Variants in RXRA observed in about 807,000 individuals in gnomAD.
RXRA encodes retinoic acid receptor RXR-alpha.
Under a neutral mutation model 44.5 loss-of-function variants are expected in RXRA, and 5 were observed. The observed-to-expected ratio is 0.11, with a 90% CI of 0.06 to 0.24. RXRA has a LOEUF of 0.24. RXRA is among the 10% of genes least tolerant of loss of function. The probability of loss-of-function intolerance (pLI) is 1.00; values close to 1 mark genes in which losing one functional copy is unlikely to be tolerated. For synonymous variants in RXRA, 291 were observed against 271.4 expected, an observed-to-expected ratio of 1.07 and a Z score of -0.71; for missense variants, 412 against 646.5, an observed-to-expected ratio of 0.64 and a Z score of 3.93.
chr9:134,421,214 T>G (rs1831324618), intron 5 of RXRA, among the ~76,000 whole-genome samples: 1 of 152,228 alleles, frequency 6.6e-6, no homozygotes, highest in South Asian at 2.1e-4. Flanking sequence ...AAAGCAGTCT[T>G]GCCGGGCTGA....
intron 1 of RXRA, among the ~76,000 whole-genome samples, chr9:134,378,660 C>G (rs1023729939): frequency 5.9e-5 from 9 of 152,188 alleles, no homozygotes; most frequent in Admixed American, 5.9e-4. Context: ...GCTGGGTCGG[C>G]CGCTCAGAGT....
At chr9:134,406,710 C>G (rs572320176) in intron 2 of RXRA, among the ~76,000 whole-genome samples, 24 of 152,344 alleles carry the variant, frequency 1.6e-4, no homozygotes, top group African/African-American at 5.1e-4. Flanking sequence ...GCTTCACTTT[C>G]GCCTTCTGCA....
At chr9:134,388,488 T>G (rs937966734) in intron 1 of RXRA, among the ~76,000 whole-genome samples, 1 of 152,170 alleles carries the variant, frequency 6.6e-6, no homozygotes, top group Non-Finnish European at 1.5e-5. Flanking sequence ...GACTTTGATT[T>G]GTGCACCTTT....
At chr9:134,396,948 G>T (rs916549753) in intron 1 of RXRA, among the ~76,000 whole-genome samples, 5 of 152,354 alleles carry the variant, frequency 3.3e-5, no homozygotes, top group Admixed American at 6.5e-5. Context: ...CTGCCCAGGA[G>T]GGGGCTGGAG....
intron 7 of RXRA, 149 bp downstream of exon 7, chr9:134,429,389 A>G: frequency 1.1e-6 from 1 of 893,588 alleles, no homozygotes; most frequent in South Asian, 1.8e-5. Context: ...GAAAAGCATG[A>G]GGAGGAGGCT....
At position 134,417,434 on chromosome 9, in the gene RXRA, TGCCCTGGGCCCTGTG is replaced by T; in HGVS notation, c.780+110_780+124del. 7.5e-7 allele frequency: 1 copy of T among 1,324,944 alleles called. No individual in the cohort carries two copies. The highest frequency in any genetic ancestry group is 1.0e-6 in the Non-Finnish European group (1 of 969,818). 82.1% of individuals were successfully genotyped at this position (1,324,944 alleles called of 1,614,324 possible). A position where few individuals can be genotyped will look rare whatever the true frequency, so the allele number is the denominator to read the frequency against. On this transcript the variant is annotated intron_variant, in intron 5 of 9. Transcript: ENST00000481739. The surrounding 1 kb of genome is among the most constrained non-coding windows in gnomAD (Gnocchi z 6.1). ...GATGAGCCAGAGAGGTCCTGGGGGC[TGCCCTGGGCCCTGTG>T]GCTGCCTCAGCTCGGCCTCTTACCT...
chr9:134,436,743 T>G lies in RXRA; in HGVS notation c.*129T>G. 1.0e-6 allele frequency: 1 copy of G among 987,084 alleles called. No individual in the cohort carries two copies. The highest frequency in any genetic ancestry group is 1.5e-6 in the Non-Finnish European group (1 of 663,682). The allele number at this position is 987,084 out of a possible 1,614,324, so 61.1% of individuals were successfully genotyped here. The stretch of plus-strand genomic sequence containing the variant: ...TGTTTGGACTTTGGGGCACAGCCTG[T>G]CACTGCTCTGCCTAAGAGATGTGTT... On this transcript the variant is annotated 3_prime_UTR_variant, in exon 10 of 10. Coordinates refer to ENST00000481739, the MANE Select transcript of RXRA (RefSeq NM_002957.6).
intron 1 of RXRA, among the ~76,000 whole-genome samples, chr9:134,382,658 A>G (rs949412314): frequency 2.6e-5 from 4 of 152,050 alleles, no homozygotes; most frequent in Non-Finnish European, 5.9e-5. Context: ...CAGCCCCTCC[A>G]GTTATCCAGG....
At chr9:134,401,992 G>A (rs1220861733) in intron 2 of RXRA, 110 bp downstream of exon 2, 4 of 933,124 alleles carry the variant, frequency 4.3e-6, no homozygotes, top group Non-Finnish European at 6.3e-6. Flanking sequence ...AGGTGCTGTG[G>A]TCTCCCCGCT....
rs570662933 is a variant in RXRA at position 134,423,718 on chromosome 9, A to G, written c.910+1913A>G. Reference sequence around the variant, plus strand: ...CTCAGACTTCTTTCAGGGTATGGTGAGTATTCCGCCTGCCAAGGGAACCCT... The same window carrying G: ...CTCAGACTTCTTTCAGGGTATGGTGGGTATTCCGCCTGCCAAGGGAACCCT... On this transcript the variant is annotated intron_variant, in intron 6 of 9. Transcript: ENST00000481739. 74 of 985,424 alleles carry G rather than the reference A, an allele frequency of 7.5e-5. No homozygotes were observed. The East Asian group carries it at 7.5e-3, about 100-fold the overall frequency. The allele number at this position is 985,424 out of a possible 1,614,324, so 61.0% of individuals were successfully genotyped here.
At chr9:134,412,192 C>T (rs948048729) in intron 4 of RXRA, among the ~76,000 whole-genome samples, 35 of 152,216 alleles carry the variant, frequency 2.3e-4, no homozygotes, top group African/African-American at 7.0e-4. Flanking sequence ...GCCAAGTTGG[C>T]CAACACTAGG....
intron 1 of RXRA, among the ~76,000 whole-genome samples, chr9:134,338,061 C>T (rs918939113): frequency 5.3e-5 from 8 of 152,142 alleles, no homozygotes; most frequent in Non-Finnish European, 1.0e-4. Flanking sequence ...GGGAGATGGG[C>T]GGTCAGCGGC....
At chr9:134,432,106 C>T in intron 8 of RXRA, 110 bp downstream of exon 8, 1 of 752,292 alleles carries the variant, frequency 1.3e-6, no homozygotes, top group South Asian at 1.6e-5. Context: ...GGGGCCAACT[C>T]CCACCCTCCT....
chr9:134,381,711 G>T (rs943619467), intron 1 of RXRA, among the ~76,000 whole-genome samples: 1 of 152,140 alleles, frequency 6.6e-6, no homozygotes, highest in African/African-American at 2.4e-5. Flanking sequence ...GGACTTGGGG[G>T]TGGGGCCTCC....
At chr9:134,357,115 C>T (rs1314259524) in intron 1 of RXRA, among the ~76,000 whole-genome samples, 2 of 150,070 alleles carry the variant, frequency 1.3e-5, no homozygotes, top group Non-Finnish European at 3.0e-5. Context: ...ATCTCCTTAT[C>T]TGTGTCTCCG....
chr9:134,410,537 C>T (rs910694385), intron 4 of RXRA, among the ~76,000 whole-genome samples: 3 of 152,166 alleles, frequency 2.0e-5, no homozygotes, highest in Non-Finnish European at 4.4e-5. Flanking sequence ...CTGGTTCTTC[C>T]GGGTGCCTGG....
At chr9:134,412,628 G>A (rs188498034) in intron 4 of RXRA, among the ~76,000 whole-genome samples, 1 of 152,314 alleles carries the variant, frequency 6.6e-6, no homozygotes, top group Non-Finnish European at 1.5e-5. Flanking sequence ...CCAGGGGTGG[G>A]CAGAGGTGGG....
intron 6 of RXRA, chr9:134,425,326 G>A: frequency 3.0e-6 from 3 of 985,302 alleles, no homozygotes; most frequent in Non-Finnish European, 3.6e-6. Context: ...GTTTTGGCTT[G>A]TTCCATGGAA....
chr9:134,337,293 C>G (rs532900937), intron 1 of RXRA, among the ~76,000 whole-genome samples: 1 of 152,198 alleles, frequency 6.6e-6, no homozygotes, highest in Non-Finnish European at 1.5e-5. Context: ...TCCCACCTGC[C>G]TGCTGTCTGT....
Sources: gnomAD v4.1 joint callset for allele counts (sites outside exome capture counted in the v4.1 genomes callset) on GRCh38, gnomAD v4.1.1 for gene constraint, Gnocchi (gnomAD v3.1) non-coding constraint, MANE v1.5 for transcripts, NCBI Gene and HGNC (gene_info 2026-07-23, HGNC 2026-07-21) for gene names.